Variants in HCN1 observed in about 807,000 individuals in gnomAD.
HCN1 encodes hyperpolarization activated cyclic nucleotide gated potassium channel 1.
In HCN1, 13 loss-of-function variants were observed where a neutral mutation model predicts 78.9. That is an observed-to-expected ratio of 0.16 (90% CI 0.11 to 0.26). HCN1 has a LOEUF of 0.26. Among genes scored for constraint, HCN1 ranks in the 10% least tolerant of loss-of-function variants. The probability of loss-of-function intolerance (pLI) is 1.00; values close to 1 mark genes in which losing one functional copy is unlikely to be tolerated. For missense variants in HCN1, 810 were observed against 1,154.3 expected, an observed-to-expected ratio of 0.70 and a Z score of 4.32; for synonymous variants, 552 against 455.5, an observed-to-expected ratio of 1.21 and a Z score of -2.70.
chr5:45,338,938 T>C (rs1316069656), intron 5 of HCN1, among the ~76,000 whole-genome samples: 1 of 152,178 alleles, frequency 6.6e-6, no homozygotes, highest in Non-Finnish European at 1.5e-5. Flanking sequence ...AATAAACTGT[T>C]AACTTATGTA....
intron 2 of HCN1, among the ~76,000 whole-genome samples, chr5:45,462,627 T>A (rs939604432): frequency 6.6e-6 from 1 of 152,118 alleles, no homozygotes; most frequent in African/African-American, 2.4e-5. Flanking sequence ...CATAACTATT[T>A]CCATAAACTT....
At chr5:45,348,974 A>C (rs1378278584) in intron 5 of HCN1, among the ~76,000 whole-genome samples, 1 of 152,210 alleles carries the variant, frequency 6.6e-6, no homozygotes, top group African/African-American at 2.4e-5. Flanking sequence ...CGAGACAGAA[A>C]GTTAACAATG....
chr5:45,632,903 G>A (rs1190128656), intron 2 of HCN1, among the ~76,000 whole-genome samples: 19 of 152,010 alleles, frequency 1.2e-4, no homozygotes, highest in Admixed American at 1.2e-3. Flanking sequence ...TTTGAATAAG[G>A]TAAGTGTTTT....
chr5:45,496,683 G>T (rs1484216657), intron 2 of HCN1, among the ~76,000 whole-genome samples: 2 of 152,016 alleles, frequency 1.3e-5, no homozygotes, highest in East Asian at 1.9e-4. Flanking sequence ...TTTTTGAAGG[G>T]TTTTTTGTGT....
intron 5 of HCN1, among the ~76,000 whole-genome samples, chr5:45,330,103 T>C (rs1365368418): frequency 6.6e-6 from 1 of 151,438 alleles, no homozygotes; most frequent in Non-Finnish European, 1.5e-5. Context: ...TTAATTCTTA[T>C]ATTACTATGA....
intron 6 of HCN1, among the ~76,000 whole-genome samples, chr5:45,286,029 A>C (rs1561088864): frequency 6.6e-6 from 1 of 151,942 alleles, no homozygotes; most frequent in African/African-American, 2.4e-5. Flanking sequence ...CTAAAAAAAA[A>C]CTAAGTTTCT....
intron 2 of HCN1, among the ~76,000 whole-genome samples, chr5:45,516,979 G>A (rs1742527334): frequency 6.6e-6 from 1 of 151,980 alleles, no homozygotes; most frequent in African/African-American, 2.4e-5. Flanking sequence ...GAAGTCTGCA[G>A]ACTCTAGACA....
chr5:45,332,512 C>T (rs1294076926), intron 5 of HCN1, among the ~76,000 whole-genome samples: 1 of 150,836 alleles, frequency 6.6e-6, no homozygotes, highest in African/African-American at 2.4e-5. Context: ...GGTAACCATC[C>T]TTCTACTCTC....
rs956592318 is a variant in HCN1, at chr5:45,258,611, TG to T, written c.*3309del. On this transcript the variant is annotated 3_prime_UTR_variant, in exon 8 of 8. Transcript: ENST00000303230. ...AGGTATCATTTAAAACCCACTTGTG[TG>T]GGGAGGTTCTATCACTCTCCAAATA... The T allele has an allele frequency of 1.6e-4, 25 of 152,194 alleles. No individual in the cohort carries two copies. The highest frequency in any genetic ancestry group is 5.8e-4 in the African/African-American group (24 of 41,578). The allele number at this position is 152,194 out of a possible 1,614,324, so 9.4% of individuals were successfully genotyped here.
At chr5:45,647,955 T>A (rs1027155891) in intron 1 of HCN1, among the ~76,000 whole-genome samples, 1 of 152,222 alleles carries the variant, frequency 6.6e-6, no homozygotes. Context: ...CAGAAAGTCT[T>A]ACCAGCTGTT....
chr5:45,330,190 C>T (rs1387407877), intron 5 of HCN1, among the ~76,000 whole-genome samples: 1 of 151,234 alleles, frequency 6.6e-6, no homozygotes, highest in Non-Finnish European at 1.5e-5. Context: ...TAGTTTTCCA[C>T]TTGTGCTTTT....
Position 45,262,531 on chromosome 5 carries a change from G to C in HCN1, c.2063C>G (p.Pro688Arg). The C allele has an allele frequency of 1.9e-6, 3 of 1,613,870 alleles. No homozygotes were observed. Among genetic ancestry groups the C allele is most frequent in the Non-Finnish European group, 2.5e-6 (3 of 1,179,992 alleles). ...LHSPSPSTQTPQPSAILSPCS... is the reference protein window; with the variant it reads ...LHSPSPSTQTRQPSAILSPCS... ...GGGTGACAGGATGGCTGATGGCTGG[G>C]GGGTCTGTGTGCTGGGACTGGGGGA... The change falls in exon 8 of 8, where the codon CCC (proline) becomes CGC (arginine). Residue 688 changes from proline to arginine, a missense_variant. Physicochemically the swap from Pro to Arg is moderately radical, Grantham distance 103. Around this residue, in one of 6 missense-constraint regions of HCN1, gnomAD observed 398 missense variants for 381.3 expected, o/e 1.04. Transcript: ENST00000303230.
intron 6 of HCN1, among the ~76,000 whole-genome samples, chr5:45,290,631 T>G (rs1745353735): frequency 6.6e-6 from 1 of 152,068 alleles, no homozygotes. Flanking sequence ...TTTATAAAAC[T>G]TATTCAATTA....
intron 1 of HCN1, among the ~76,000 whole-genome samples, chr5:45,660,119 A>G (rs1298850343): frequency 5.8e-5 from 7 of 120,256 alleles, no homozygotes; most frequent in Non-Finnish European, 1.2e-4. Flanking sequence ...CAGAAACCCT[A>G]CAAGCCAGAA....
intron 5 of HCN1, among the ~76,000 whole-genome samples, chr5:45,327,440 C>T (rs1490262358): frequency 6.6e-6 from 1 of 151,582 alleles, no homozygotes; most frequent in African/African-American, 2.4e-5. Context: ...AAATCAGCAA[C>T]AGACACAATT....
chr5:45,375,217 AT>A (rs1747590551), intron 4 of HCN1, among the ~76,000 whole-genome samples: 1 of 116,674 alleles, frequency 8.6e-6, no homozygotes. Flanking sequence ...ATAATATATA[AT>A]ATAATATTTT....
chr5:45,500,171 TA>T (rs963103240), intron 2 of HCN1, among the ~76,000 whole-genome samples: 231 of 151,962 alleles, frequency 1.5e-3, no homozygotes, highest in Middle Eastern at 6.8e-3. Context: ...TTGGGTAATT[TA>T]AAAAAAATAA....
chr5:45,408,698 G>C (rs1008292381), intron 3 of HCN1, among the ~76,000 whole-genome samples: 1 of 152,132 alleles, frequency 6.6e-6, no homozygotes, highest in East Asian at 1.9e-4. Flanking sequence ...TCACCAAGCA[G>C]CTTTACAATG....
rs886095795 is a variant in HCN1, at chr5:45,527,178, C to G, written c.850-65171G>C. Reference sequence around the variant, plus strand: ...TTCCTTCACATTTTAAATGTCTCTTCTCATCTATCTCTCTGAATAGAATGC... The same window carrying G: ...TTCCTTCACATTTTAAATGTCTCTTGTCATCTATCTCTCTGAATAGAATGC... On this transcript the variant is annotated intron_variant, in intron 2 of 7. Transcript: ENST00000303230. Among the ~76,000 whole-genome samples, 3 of 136,548 alleles carry G rather than the reference C, an allele frequency of 2.2e-5. 1 individual carries two copies. The highest frequency in any genetic ancestry group is 8.2e-5 in the African/African-American group (3 of 36,398). 89.6% of individuals were successfully genotyped at this position (136,548 alleles called of 152,430 possible). A position where few individuals can be genotyped will look rare whatever the true frequency, so the allele number is the denominator to read the frequency against.
Sources: gnomAD v4.1 joint callset for allele counts (sites outside exome capture counted in the v4.1 genomes callset) on GRCh38, gnomAD v4.1.1 for gene constraint, gnomAD v4.1.1 regional missense constraint, MANE v1.5 for transcripts, NCBI Gene and HGNC (gene_info 2026-07-23, HGNC 2026-07-21) for gene names.